Variants in FHIT observed in about 807,000 individuals in gnomAD.
FHIT encodes the protein fragile histidine triad diadenosine triphosphatase.
FHIT carries 19 observed loss-of-function variants against 17.9 expected under a neutral mutation model. That is an observed-to-expected ratio of 1.06 (90% CI 0.74 to 1.56). FHIT has a LOEUF of 1.56. Among genes scored for constraint, FHIT ranks in the 40% most tolerant of loss-of-function variants. The pLI is 0.00. For synonymous variants in FHIT, 81 were observed against 69.7 expected, an observed-to-expected ratio of 1.16 and a Z score of -0.81; for missense variants, 248 against 189.2, an observed-to-expected ratio of 1.31 and a Z score of -1.82.
chr3:60,942,623 T>C (rs1175795351), intron 3 of FHIT, among the ~76,000 whole-genome samples: 1 of 152,132 alleles, frequency 6.6e-6, no homozygotes, highest in Non-Finnish European at 1.5e-5. Flanking sequence ...CAAGTGAGAA[T>C]GTGCTGTTTT....
chr3:60,068,359 TTA>T (rs1702612435), intron 5 of FHIT, among the ~76,000 whole-genome samples: 1 of 152,230 alleles, frequency 6.6e-6, no homozygotes, highest in African/African-American at 2.4e-5. Context: ...ACAGCACAGT[TTA>T]AGTGGTCTTG....
At chr3:60,457,171 C>T (rs2032152389) in intron 5 of FHIT, among the ~76,000 whole-genome samples, 1 of 152,074 alleles carries the variant, frequency 6.6e-6, no homozygotes, top group African/African-American at 2.4e-5. Context: ...CACTACCTGA[C>T]TTCAAACAAT....
Position 60,638,351 on chromosome 3 carries a change from T to G in FHIT, c.-17-101372A>C, listed in dbSNP as rs75087524. Among the ~76,000 whole-genome samples the G allele has an allele frequency of 5.5e-4, 83 of 152,292 alleles. 1 individual carries two copies. The East Asian group carries it at 0.012, about 23-fold the overall frequency. ...AATGGGTCTAGACAACCACCATTCA[T>G]AGCTGCAAAACCTTTGCCTTAAAGC... On this transcript the variant is annotated intron_variant, in intron 4 of 9. Coordinates refer to ENST00000492590, the MANE Select transcript of FHIT (RefSeq NM_002012.4).
intron 8 of FHIT, among the ~76,000 whole-genome samples, chr3:59,759,790 C>T (rs1296436404): frequency 1.3e-5 from 2 of 152,110 alleles, no homozygotes; most frequent in African/African-American, 4.8e-5. Flanking sequence ...GGCGCCCACG[C>T]TGGACTTTCT....
At chr3:60,090,225 G>C (rs1703672061) in intron 5 of FHIT, among the ~76,000 whole-genome samples, 2 of 151,948 alleles carry the variant, frequency 1.3e-5, no homozygotes, top group Middle Eastern at 3.2e-3. Flanking sequence ...CCCAACCAAA[G>C]AGACTGCATG....
intron 5 of FHIT, among the ~76,000 whole-genome samples, chr3:60,281,987 C>A (rs939980380): frequency 3.3e-5 from 5 of 152,056 alleles, no homozygotes; most frequent in Non-Finnish European, 5.9e-5. Context: ...ATAGCTAAAT[C>A]CATAAGACTG....
At chr3:61,069,407 A>C (rs1305580040) in intron 2 of FHIT, among the ~76,000 whole-genome samples, 1 of 152,188 alleles carries the variant, frequency 6.6e-6, no homozygotes, top group African/African-American at 2.4e-5. Flanking sequence ...GCTCTGGGGC[A>C]TGTCTTGGGC....
intron 8 of FHIT, among the ~76,000 whole-genome samples, chr3:59,815,883 T>C (rs567031843): frequency 1.7e-4 from 25 of 151,334 alleles, no homozygotes; most frequent in African/African-American, 5.8e-4. Flanking sequence ...CAATAACCTA[T>C]AGAAATAAAA....
intron 1 of FHIT, among the ~76,000 whole-genome samples, chr3:61,212,831 G>C (rs1038538162): frequency 6.6e-6 from 1 of 152,226 alleles, no homozygotes; most frequent in Non-Finnish European, 1.5e-5. Flanking sequence ...AGCCAGAAGA[G>C]AGTGGAGGAG....
chr3:60,492,864 G>A (rs2034126689), intron 5 of FHIT, among the ~76,000 whole-genome samples: 1 of 152,100 alleles, frequency 6.6e-6, no homozygotes, highest in African/African-American at 2.4e-5. Flanking sequence ...GTGCATTCAT[G>A]TGTCTTTATT....
intron 4 of FHIT, among the ~76,000 whole-genome samples, chr3:60,622,216 C>T (rs2039152502): frequency 6.6e-6 from 1 of 152,132 alleles, no homozygotes; most frequent in African/African-American, 2.4e-5. Flanking sequence ...TGGTCTTTTC[C>T]TCATCAGTCC....
chr3:60,779,229 A>T (rs1553725163), intron 4 of FHIT, among the ~76,000 whole-genome samples: 1 of 152,212 alleles, frequency 6.6e-6, no homozygotes, highest in Non-Finnish European at 1.5e-5. Context: ...GAGAGACAGA[A>T]ATTATGTTCC....
chr3:59,896,801 C>T (rs1704092244), intron 8 of FHIT, among the ~76,000 whole-genome samples: 1 of 152,030 alleles, frequency 6.6e-6, no homozygotes, highest in Admixed American at 6.6e-5. Context: ...TTAATATTCA[C>T]AAGCAGTATC....
intron 2 of FHIT, among the ~76,000 whole-genome samples, chr3:61,155,715 T>C (rs2037517063): frequency 6.6e-6 from 1 of 152,210 alleles, no homozygotes; most frequent in African/African-American, 2.4e-5. Flanking sequence ...GAGGTTGCTA[T>C]TTTTAGAATT....
chr3:61,162,018 G>A (rs1382339833), intron 2 of FHIT, among the ~76,000 whole-genome samples: 1 of 152,188 alleles, frequency 6.6e-6, no homozygotes, highest in African/African-American at 2.4e-5. Flanking sequence ...ACTCCTGAGT[G>A]GGAGTGCCAG....
chr3:60,961,687 TC>T (rs1709453755), intron 3 of FHIT, among the ~76,000 whole-genome samples: 1 of 152,172 alleles, frequency 6.6e-6, no homozygotes, highest in Non-Finnish European at 1.5e-5. Context: ...AAATAGGAAA[TC>T]CTTTCCCCAT....
intron 5 of FHIT, among the ~76,000 whole-genome samples, chr3:60,483,127 A>T (rs904701080): frequency 6.6e-6 from 1 of 152,208 alleles, no homozygotes. Flanking sequence ...AGACTAAACC[A>T]GGAAGGAGTT....
rs144688904 is a variant in FHIT at position 59,844,126 on chromosome 3, C to T, written c.348+78220G>A. Among the ~76,000 whole-genome samples, 59 of 152,296 alleles carry T rather than the reference C, an allele frequency of 3.9e-4. 1 individual carries two copies. Among genetic ancestry groups the T allele is most frequent in the South Asian group, 2.1e-3 (10 of 4,828 alleles). On this transcript the variant is annotated intron_variant, in intron 8 of 9. Coordinates refer to ENST00000492590, the MANE Select transcript of FHIT (RefSeq NM_002012.4). ...TCCCCAGAAGCCAAACAGATATTGG[C>T]ACCATGCTTGTGTGACTTTCAGAAC...
At chr3:60,192,088 C>A (rs1009043949) in intron 5 of FHIT, among the ~76,000 whole-genome samples, 3 of 151,460 alleles carry the variant, frequency 2.0e-5, no homozygotes, top group African/African-American at 7.3e-5. Flanking sequence ...CTGTCTCTAC[C>A]AAAAATATAA....
Sources: gnomAD v4.1 joint callset for allele counts (sites outside exome capture counted in the v4.1 genomes callset) on GRCh38, gnomAD v4.1.1 for gene constraint, MANE v1.5 for transcripts, NCBI Gene and HGNC (gene_info 2026-07-23, HGNC 2026-07-21) for gene names.